The following NPAS2 variants were observed in gnomAD, a reference collection of about 807,000 sequenced individuals.
NPAS2 encodes the protein neuronal PAS domain-containing protein 2.
A neutral mutation model predicts 107.5 loss-of-function variants in NPAS2; 23 were observed. That is an observed-to-expected ratio of 0.21 (90% confidence interval 0.15 to 0.30). The LOEUF (loss-of-function observed/expected upper bound fraction) is 0.30. NPAS2 is among the 10% of genes least tolerant of loss of function. The pLI, the probability that NPAS2 is intolerant of heterozygous loss-of-function variation, is 1.00. For missense variants in NPAS2, 756 were observed against 1,043.3 expected, an observed-to-expected ratio of 0.72 and a Z score of 3.79; for synonymous variants, 403 against 417.5, an observed-to-expected ratio of 0.97 and a Z score of 0.42.
intron 16 of NPAS2, 62 bp downstream of exon 16, chr2:100,982,439 A>G: frequency 1.9e-6 from 3 of 1,579,396 alleles, no homozygotes; most frequent in East Asian, 4.5e-5. Flanking sequence ...TCCTGCCGCC[A>G]TTTCCGGGCA....
chr2:100,979,396 T>C (rs1677258981), intron 15 of NPAS2, among the ~76,000 whole-genome samples: 2 of 150,814 alleles, frequency 1.3e-5, no homozygotes, highest in South Asian at 2.1e-4. Context: ...CAAGACACGA[T>C]GGTGTGATGC....
intron 5 of NPAS2, 119 bp downstream of exon 5, chr2:100,937,961 G>A (rs1684442901): frequency 1.2e-6 from 1 of 838,300 alleles, no homozygotes. Flanking sequence ...GAAGAGGGCG[G>A]AGAGTAAAGG....
chr2:100,995,563 T>TC lies in NPAS2; in HGVS notation c.2458dup (p.Gln820ProfsTer11). 2 of 1,606,978 alleles carry TC rather than the reference T, an allele frequency of 1.2e-6. No homozygotes were observed. The highest frequency in any genetic ancestry group is 1.7e-6 in the Non-Finnish European group (2 of 1,176,294). On this transcript the variant is annotated frameshift_variant, in exon 21 of 21. Transcript: ENST00000335681. LOFTEE classifies it high-confidence loss of function. ...AGCAGTCTGTCTGAGTCGTCAGGCC[T>TC]CCAGCAGCCGCCCCGATAATGCCCC...
intron 1 of NPAS2, among the ~76,000 whole-genome samples, chr2:100,898,696 A>G (rs1404633716): frequency 6.6e-6 from 1 of 152,120 alleles, no homozygotes; most frequent in African/African-American, 2.4e-5. Flanking sequence ...CTCATTATAT[A>G]TCTAAGTCCA....
At chr2:100,851,141 G>A (rs1423486919) in intron 1 of NPAS2, among the ~76,000 whole-genome samples, 2 of 151,998 alleles carry the variant, frequency 1.3e-5, no homozygotes, top group Non-Finnish European at 1.5e-5. Context: ...GGAGTTGCGG[G>A]GGCTGGAGAG....
intron 1 of NPAS2, among the ~76,000 whole-genome samples, chr2:100,837,236 T>TA (rs1677124306): frequency 6.6e-6 from 1 of 152,186 alleles, no homozygotes; most frequent in South Asian, 2.1e-4. Context: ...GTCTAAAAGT[T>TA]AGATTGTAAA....
chr2:100,876,999 G>A (rs2104607856), intron 1 of NPAS2, among the ~76,000 whole-genome samples: 1 of 152,316 alleles, frequency 6.6e-6, no homozygotes. Flanking sequence ...ATTTCACAGG[G>A]CACCTGACTC....
At chr2:100,946,708 A>T (rs1036894574) in intron 5 of NPAS2, among the ~76,000 whole-genome samples, 1 of 152,184 alleles carries the variant, frequency 6.6e-6, no homozygotes, top group Non-Finnish European at 1.5e-5. Flanking sequence ...CACAGGCACT[A>T]AAGTGGATGT....
At chr2:100,877,427 T>TGCACTCTAGCCTGGGC (rs1230725440) in intron 1 of NPAS2, among the ~76,000 whole-genome samples, 1 of 119,874 alleles carries the variant, frequency 8.3e-6, no homozygotes, top group African/African-American at 3.1e-5. Context: ...ATCGCGCCAC[T>TGCACTCTAGCCTGGGC]AGAGTGAGAC....
chr2:100,856,478 A>G (rs974780864), intron 1 of NPAS2, among the ~76,000 whole-genome samples: 5 of 152,214 alleles, frequency 3.3e-5, no homozygotes, highest in African/African-American at 1.2e-4. Flanking sequence ...AAGCATTTAA[A>G]TGTTCATTTA....
chr2:100,830,315 T>G lies in NPAS2; in HGVS notation c.-23+9901T>G, dbSNP rs574004957. ...TTCTCCTTAATTCAGATGGGTTAAC[T>G]CCATTTCTTTTTATTTTATTTTTAT... On this transcript the variant is annotated intron_variant, in intron 1 of 20. Coordinates refer to ENST00000335681, the MANE Select transcript of NPAS2 (RefSeq NM_002518.4). Among the ~76,000 whole-genome samples the G allele has an allele frequency of 2.6e-5, 4 of 152,290 alleles. No homozygotes were observed. In the South Asian group the frequency reaches 8.3e-4, roughly 32 times the overall value.
chr2:100,934,059 C>T (rs958385817), intron 4 of NPAS2: 7 of 152,250 alleles, frequency 4.6e-5, no homozygotes, highest in East Asian at 1.9e-4. Context: ...GAAATGTAAA[C>T]GCATTAATGA....
At chr2:100,870,312 CA>C (rs1679504307) in intron 1 of NPAS2, among the ~76,000 whole-genome samples, 1 of 152,212 alleles carries the variant, frequency 6.6e-6, no homozygotes, top group Admixed American at 6.5e-5. Context: ...AAACCACATG[CA>C]GTTAATAAGT....
In NPAS2 at chr2:100,942,216, G is replaced by C. The variant is rs555675430; in HGVS notation, c.363+4374G>C. Among the ~76,000 whole-genome samples the C allele has an allele frequency of 2.7e-3, 412 of 152,308 alleles. 3 individuals carry two copies. Among genetic ancestry groups the C allele is most frequent in the African/African-American group, 9.6e-3 (398 of 41,572 alleles). ...CCAGCGAGAAGAAAATACAAGACCA[G>C]AATGGGATATGGAGCCAAGTTCCTG... On this transcript the variant is annotated intron_variant, in intron 5 of 20. Coordinates refer to ENST00000335681, the MANE Select transcript of NPAS2 (RefSeq NM_002518.4).
chr2:100,931,284 A>G (rs931521735), intron 3 of NPAS2, among the ~76,000 whole-genome samples: 2 of 152,026 alleles, frequency 1.3e-5, no homozygotes, highest in African/African-American at 4.8e-5. Flanking sequence ...CCAGTGTTCT[A>G]TTACCAAAGG....
intron 1 of NPAS2, among the ~76,000 whole-genome samples, chr2:100,895,089 C>G (rs569802601): frequency 6.8e-6 from 1 of 147,116 alleles, no homozygotes; most frequent in Non-Finnish European, 1.5e-5. Flanking sequence ...GTATGTGTGT[C>G]TGTCTGTCCA....
chr2:100,950,653 T>A (rs1174482713), intron 7 of NPAS2, among the ~76,000 whole-genome samples: 1 of 152,254 alleles, frequency 6.6e-6, no homozygotes, highest in Non-Finnish European at 1.5e-5. Flanking sequence ...TTTAGTGTGA[T>A]CCTGCCAGCA....
At chr2:100,967,461 C>G (rs1156984755) in intron 10 of NPAS2, among the ~76,000 whole-genome samples, 3 of 151,950 alleles carry the variant, frequency 2.0e-5, no homozygotes, top group Admixed American at 2.0e-4. Context: ...CTCCTGACCT[C>G]ATGATCCGCC....
intron 1 of NPAS2, among the ~76,000 whole-genome samples, chr2:100,861,105 G>T (rs903506289): frequency 1.3e-5 from 2 of 151,822 alleles, no homozygotes; most frequent in South Asian, 4.1e-4. Flanking sequence ...GGCCTCAAGG[G>T]ATCCTCCCAT....
Sources: gnomAD v4.1 joint callset for allele counts (sites outside exome capture counted in the v4.1 genomes callset) on GRCh38, gnomAD v4.1.1 for gene constraint, MANE v1.5 for transcripts, NCBI Gene and HGNC (gene_info 2026-07-23, HGNC 2026-07-21) for gene names.